Variants in ASXL1 observed in about 807,000 individuals in gnomAD.
ASXL1 encodes the protein polycomb group protein ASXL1.
ASXL1 carries 65 observed loss-of-function variants against 89.1 expected under a neutral mutation model. That is an observed-to-expected ratio of 0.73 (90% CI 0.60 to 0.90). The LOEUF is 0.90. Among genes scored for constraint, ASXL1 ranks in the 40% least tolerant of loss-of-function variants. ASXL1 has a pLI of 0.00. For synonymous variants in ASXL1, 739 were observed against 746.9 expected (o/e 0.99, Z 0.17); for missense variants, 1,786 against 1,942.9 (o/e 0.92, Z 1.52).
chr20:32,366,564 G>T, intron 2 of ASXL1, 98 bp downstream of exon 2: 1 of 1,596,300 alleles, frequency 6.3e-7, no homozygotes, highest in Non-Finnish European at 8.5e-7. Context: ...GTATGTATTT[G>T]TGCTTCTGTG....
chr20:32,358,901 C>CT, intron 1 of ASXL1, 69 bp downstream of exon 1: 1 of 1,384,700 alleles, frequency 7.2e-7, no homozygotes, highest in East Asian at 3.0e-5. Flanking sequence ...CACCCCCCCA[C>CT]TGGGGGGGGA....
chr20:32,407,873 A>G (rs936686481), intron 4 of ASXL1, among the ~76,000 whole-genome samples: 1 of 152,148 alleles, frequency 6.6e-6, no homozygotes, highest in East Asian at 1.9e-4. Context: ...TTGCCTATCT[A>G]TTAATAGTGC....
intron 4 of ASXL1, among the ~76,000 whole-genome samples, chr20:32,384,198 GTTTTT>G (rs71187115): frequency 1.0e-4 from 8 of 77,298 alleles, no homozygotes; most frequent in African/African-American, 3.3e-4. Flanking sequence ...GCAGCAGTCT[GTTTTT>G]TTTTTTTTTT....
intron 4 of ASXL1, among the ~76,000 whole-genome samples, chr20:32,412,106 C>T (rs2049058980): frequency 6.6e-6 from 1 of 152,088 alleles, no homozygotes; most frequent in Non-Finnish European, 1.5e-5. Context: ...GAATAGTATG[C>T]ATGTATACAT....
At chr20:32,432,856 T>C (rs1156871060) in intron 10 of ASXL1, 24 bp from the exon 11 acceptor site, 1 of 1,612,840 alleles carries the variant, frequency 6.2e-7, no homozygotes, top group Non-Finnish European at 8.5e-7. Context: ...ATGCACTTAC[T>C]AGAAGAGGTT....
chr20:32,362,470 A>G (rs561397082), intron 1 of ASXL1, among the ~76,000 whole-genome samples: 2 of 152,248 alleles, frequency 1.3e-5, no homozygotes, highest in South Asian at 4.1e-4. Flanking sequence ...CCCCATCTCT[A>G]CTAAAAATAC....
chr20:32,404,167 C>T lies in ASXL1; in HGVS notation c.253-23961C>T, dbSNP rs761135827. Among the ~76,000 whole-genome samples the T allele has an allele frequency of 4.6e-5, 7 of 152,172 alleles. 1 individual carries two copies. Among genetic ancestry groups the T allele is most frequent in the Non-Finnish European group, 8.8e-5 (6 of 68,030 alleles). ...CCCATTGACCAACCCCTCTTTATCT[C>T]CCTGCCCCCTTCCCAGCTCTGGTAA... is the stretch of plus-strand genomic sequence containing the variant. On this transcript the variant is annotated intron_variant, in intron 4 of 12. Transcript: ENST00000375687.
chr20:32,412,093 T>A (rs139665905), intron 4 of ASXL1, among the ~76,000 whole-genome samples: 109 of 152,292 alleles, frequency 7.2e-4, no homozygotes, highest in Middle Eastern at 3.4e-3. Context: ...TTCTTTTAGC[T>A]TAGAATAGTA....
At chr20:32,366,520 C>T in intron 2 of ASXL1, 54 bp downstream of exon 2, 2 of 1,612,982 alleles carry the variant, frequency 1.2e-6, no homozygotes, top group South Asian at 1.1e-5. Flanking sequence ...ATGTGTCTTT[C>T]TGTAGTTGTA....
At chr20:32,420,309 G>C (rs2049218903) in intron 4 of ASXL1, among the ~76,000 whole-genome samples, 1 of 152,008 alleles carries the variant, frequency 6.6e-6, no homozygotes, top group Admixed American at 6.6e-5. Context: ...TATAAGGAAA[G>C]GCATAACTGA....
chr20:32,374,076 A>G (rs929398747), intron 4 of ASXL1, among the ~76,000 whole-genome samples: 1 of 152,098 alleles, frequency 6.6e-6, no homozygotes, highest in Admixed American at 6.6e-5. Flanking sequence ...TCAGTGGTAC[A>G]ATCATGGCTC....
chr20:32,414,300 C>T (rs1023706782), intron 4 of ASXL1, among the ~76,000 whole-genome samples: 2 of 150,960 alleles, frequency 1.3e-5, no homozygotes, highest in East Asian at 3.9e-4. Context: ...CTTAATGGAG[C>T]TTCTTTTTCT....
At chr20:32,366,537 T>C in intron 2 of ASXL1, 71 bp downstream of exon 2, 6 of 1,610,958 alleles carry the variant, frequency 3.7e-6, no homozygotes, top group Non-Finnish European at 5.1e-6. Context: ...TGTAGTGATA[T>C]GAGTAAGTAC....
intron 4 of ASXL1, among the ~76,000 whole-genome samples, chr20:32,403,943 G>A (rs1412865260): frequency 6.6e-6 from 1 of 151,806 alleles, no homozygotes; most frequent in Non-Finnish European, 1.5e-5. Context: ...TTTGATACAG[G>A]TATGCAGTGT....
intron 4 of ASXL1, among the ~76,000 whole-genome samples, chr20:32,425,699 T>G (rs1394309333): frequency 6.6e-6 from 1 of 152,116 alleles, no homozygotes; most frequent in Non-Finnish European, 1.5e-5. Flanking sequence ...TTGATTTATA[T>G]TTGTTCCCCC....
intron 4 of ASXL1, among the ~76,000 whole-genome samples, chr20:32,378,590 G>A (rs1056622771): frequency 6.6e-6 from 1 of 152,108 alleles, no homozygotes; most frequent in Non-Finnish European, 1.5e-5. Context: ...AAAGTCATGT[G>A]TCAGTGTTGA....
chr20:32,395,733 CTT>C (rs2048750220), intron 4 of ASXL1, among the ~76,000 whole-genome samples: 1 of 152,140 alleles, frequency 6.6e-6, no homozygotes, highest in Admixed American at 6.6e-5. Flanking sequence ...TTTCACTAGT[CTT>C]TATCTTTCCC....
intron 4 of ASXL1, among the ~76,000 whole-genome samples, chr20:32,399,374 C>G (rs960786929): frequency 6.7e-6 from 1 of 148,804 alleles, no homozygotes; most frequent in African/African-American, 2.5e-5. Context: ...TTATTATTTT[C>G]TCTTTATTAC....
chr20:32,375,265 C>A (rs545578320), intron 4 of ASXL1, among the ~76,000 whole-genome samples: 4 of 151,974 alleles, frequency 2.6e-5, no homozygotes, highest in Middle Eastern at 3.4e-3. Flanking sequence ...CAGGAGTTCG[C>A]GGCAAAACCC....
Sources: allele counts gnomAD v4.1 joint callset (sites outside exome capture counted in the v4.1 genomes callset), GRCh38; gene constraint gnomAD v4.1.1; transcripts MANE v1.5; gene names NCBI Gene and HGNC (gene_info 2026-07-23, HGNC 2026-07-21).